The following GGA1 variants were observed in gnomAD, a reference collection of about 807,000 sequenced individuals.
GGA1 encodes ADP-ribosylation factor-binding protein GGA1.
A neutral mutation model predicts 76.9 loss-of-function variants in GGA1; 18 were observed. That is an observed-to-expected ratio of 0.23 (90% confidence interval 0.16 to 0.35). The LOEUF is 0.35. Ranked by LOEUF, GGA1 falls within the 10% of genes least tolerant of loss-of-function variation. GGA1 has a pLI of 1.00. For missense variants in GGA1, 755 were observed against 859.0 expected, an observed-to-expected ratio of 0.88 and a Z score of 1.51; for synonymous variants, 342 against 354.7, an observed-to-expected ratio of 0.96 and a Z score of 0.40.
Position 37,620,226 on chromosome 22 carries a change from G to A in GGA1, c.304-12G>A, listed in dbSNP as rs1929628685. ...GGGCAGTATCAAAGGCCTCCCCACT[G>A]TGTCCCTGAAGTATCTGGGCTCTCG... On this transcript the variant is annotated splice_polypyrimidine_tract_variant and intron_variant, in intron 4 of 16. Coordinates refer to ENST00000343632, the MANE Select transcript of GGA1 (RefSeq NM_013365.5). 6.2e-7 allele frequency: 1 copy of A among 1,613,918 alleles called. No homozygotes were observed. Among genetic ancestry groups the A allele is most frequent in the South Asian group, 1.1e-5 (1 of 91,084 alleles).
In GGA1 at chr22:37,632,331, C is replaced by A; in HGVS notation, c.1699-74C>A. ...CCCAGGATCCCCGGAGGGGAGCTGG[C>A]AGGCTGGGCCTGGTTCCTCAGAGCA... On this transcript the variant is annotated intron_variant, in intron 15 of 16. Coordinates refer to ENST00000343632, the MANE Select transcript of GGA1 (RefSeq NM_013365.5). The surrounding 1 kb of genome is among the most constrained non-coding windows in gnomAD (Gnocchi z 5.1). The A allele has an allele frequency of 7.5e-7, 1 of 1,340,458 alleles. No individual in the cohort carries two copies. Among genetic ancestry groups the A allele is most frequent in the Non-Finnish European group, 1.1e-6 (1 of 935,924 alleles). The allele number at this position is 1,340,458 out of a possible 1,614,324, so 83.0% of individuals were successfully genotyped here. A position where few individuals can be genotyped will look rare whatever the true frequency, so the allele number is the denominator to read the frequency against.
intron 2 of GGA1, among the ~76,000 whole-genome samples, chr22:37,616,084 C>T (rs1464517724): frequency 6.6e-6 from 1 of 152,082 alleles, no homozygotes; most frequent in Non-Finnish European, 1.5e-5. Flanking sequence ...CCTCATGATC[C>T]ACCTGCCTCG....
rs749729732 is a variant in GGA1 at position 37,632,525 on chromosome 22, C to A, written c.1809+10C>A. On this transcript the variant is annotated intron_variant, in intron 16 of 16. Transcript: ENST00000343632. This position sits in a 1 kb window ranked among gnomAD's most constrained non-coding sequence, Gnocchi z 5.1. The stretch of plus-strand genomic sequence containing the variant: ...TGCCAACCCCCAGAAGGTAAGGGGC[C>A]CCCAGGCAGTGCTGCAGGGTGGGGA... 1.9e-6 allele frequency: 3 copies of A among 1,601,772 alleles called. No individual in the cohort carries two copies. Among genetic ancestry groups the A allele is most frequent in the Admixed American group, 3.3e-5 (2 of 59,976 alleles).
intron 14 of GGA1, 101 bp from the exon 15 acceptor site, chr22:37,631,895 A>T: frequency 3.0e-6 from 3 of 984,658 alleles, no homozygotes; most frequent in Non-Finnish European, 4.5e-6. Flanking sequence ...TCTTGTTGCC[A>T]GTACAGCAGC....
chr22:37,616,093 C>T (rs1002551875), intron 2 of GGA1, among the ~76,000 whole-genome samples: 2 of 152,076 alleles, frequency 1.3e-5, no homozygotes, highest in Non-Finnish European at 2.9e-5. Flanking sequence ...CCACCTGCCT[C>T]GGCCTCCCAA....
Position 37,630,992 on chromosome 22 carries a change from GC to G in GGA1, c.1423del (p.Leu475PhefsTer41). 6.2e-7 allele frequency: 1 copy of G among 1,613,474 alleles called. No individual in the cohort carries two copies. The highest frequency in any genetic ancestry group is 8.5e-7 in the Non-Finnish European group (1 of 1,179,748). On this transcript the variant is annotated frameshift_variant, in exon 14 of 17. Coordinates refer to ENST00000343632, the MANE Select transcript of GGA1 (RefSeq NM_013365.5). LOFTEE classifies it high-confidence loss of function. ...SCSSPSSSAT[S>X]LLHTVSPEPP... The stretch of plus-strand genomic sequence containing the variant: ...AGCTCCCCCAGCTCCAGCGCCACCA[GC>G]CTTCTCCACACCGTGTCCCCAGAGC...
At chr22:37,609,041 G>T (rs1926935628) in intron 1 of GGA1, 138 bp downstream of exon 1, 2 of 1,451,416 alleles carry the variant, frequency 1.4e-6, no homozygotes, top group African/African-American at 3.0e-5. Flanking sequence ...GGTGTCCTCA[G>T]TCGGCCCCTC....
At position 37,614,191 on chromosome 22, in the gene GGA1, T is replaced by C. The variant is rs1423932405; in HGVS notation, c.45T>C (p.Asn15=). The change falls in exon 2 of 17, where the codon AAT becomes AAC. Residue 15 remains asparagine (N), a splice_region_variant and synonymous_variant. Coordinates refer to ENST00000343632, the MANE Select transcript of GGA1 (RefSeq NM_013365.5). The part of the protein sequence containing the change: ...MEPETLEARI[N]RATNPLNKEL... ...ATGACCCCAGCTCTCCTCTTCCAGA[T>C]AGAGCCACGAACCCCCTGAACAAGG... 3.7e-6 allele frequency: 6 copies of C among 1,609,814 alleles called. No individual in the cohort carries two copies. The highest frequency in any genetic ancestry group is 2.7e-5 in the African/African-American group (2 of 74,938).
At chr22:37,621,547 A>C (rs1929888825) in intron 6 of GGA1, 69 bp from the exon 7 acceptor site, 1 of 936,586 alleles carries the variant, frequency 1.1e-6, no homozygotes, top group Admixed American at 2.1e-5. Context: ...GGGAGCCATC[A>C]TGTGACTCCA....
Position 37,624,881 on chromosome 22 carries a change from G to A in GGA1, c.833-88G>A. 7 of 1,506,908 alleles carry A rather than the reference G, an allele frequency of 4.6e-6. No individual in the cohort carries two copies. The highest frequency in any genetic ancestry group is 6.3e-6 in the Non-Finnish European group (7 of 1,119,324). 93.3% of individuals were successfully genotyped at this position (1,506,908 alleles called of 1,614,324 possible). ...CCCTTTCCCTTCCCCTCACACACAGGCTGTGATGGATGTGGGGTCCTCGTC... is the reference window on the plus strand; with the variant it reads ...CCCTTTCCCTTCCCCTCACACACAGACTGTGATGGATGTGGGGTCCTCGTC... On this transcript the variant is annotated intron_variant, in intron 9 of 16. Coordinates refer to ENST00000343632, the MANE Select transcript of GGA1 (RefSeq NM_013365.5). This position sits in a 1 kb window ranked among gnomAD's most constrained non-coding sequence, Gnocchi z 4.3.
intron 3 of GGA1, chr22:37,617,508 AGTG>A: frequency 7.1e-6 from 7 of 991,240 alleles, no homozygotes; most frequent in Non-Finnish European, 8.4e-6. Flanking sequence ...GCTGATTTTA[AGTG>A]GTGGTAGAGA....
intron 5 of GGA1, 33 bp from the exon 6 acceptor site, chr22:37,620,780 A>G (rs1448205340): frequency 3.0e-6 from 4 of 1,343,678 alleles, no homozygotes; most frequent in African/African-American, 2.9e-5. Context: ...CCTGGGACAT[A>G]TTGACAGCCT....
chr22:37,609,006 G>T, intron 1 of GGA1, 103 bp downstream of exon 1: 1 of 1,361,430 alleles, frequency 7.3e-7, no homozygotes, highest in East Asian at 3.1e-5. Flanking sequence ...CCCTCCTCAC[G>T]CCCCGCCCCC....
chr22:37,609,168 G>T, intron 1 of GGA1: 8 of 1,436,002 alleles, frequency 5.6e-6, no homozygotes, highest in Non-Finnish European at 7.4e-6. Flanking sequence ...AGCTGCGCCG[G>T]GAACCCCCGG....
chr22:37,616,881 C>T, intron 2 of GGA1, 41 bp from the exon 3 acceptor site: 1 of 1,553,250 alleles, frequency 6.4e-7, no homozygotes, highest in South Asian at 1.2e-5. Context: ...GTGACCGGGA[C>T]TCCGTGGCGA....
At chr22:37,622,634 G>T (rs753809246) in intron 7 of GGA1, among the ~76,000 whole-genome samples, 1 of 152,080 alleles carries the variant, frequency 6.6e-6, no homozygotes. Flanking sequence ...AAACTAGTCT[G>T]TAACTCCTGG....
At position 37,632,361 on chromosome 22, in the gene GGA1, A is replaced by G. The variant is rs779770752; in HGVS notation, c.1699-44A>G. The G allele has an allele frequency of 8.9e-6, 13 of 1,454,516 alleles. No individual in the cohort carries two copies. Among genetic ancestry groups the G allele is most frequent in the Non-Finnish European group, 1.2e-5 (12 of 1,035,050 alleles). 90.1% of individuals were successfully genotyped at this position (1,454,516 alleles called of 1,614,324 possible). ...TGGGCCTGGTTCCTCAGAGCAGGAC[A>G]AGCAGCCAGGGCTAGCTGTGCCCAT... On this transcript the variant is annotated intron_variant, in intron 15 of 16. Transcript: ENST00000343632. The surrounding 1 kb of genome is among the most constrained non-coding windows in gnomAD (Gnocchi z 5.1).
chr22:37,630,147 C>T lies in GGA1; in HGVS notation c.1308C>T (p.Pro436=). The change falls in exon 13 of 17, where the codon CCC becomes CCT. Residue 436 remains proline, a synonymous_variant. Coordinates refer to ENST00000343632, the MANE Select transcript of GGA1 (RefSeq NM_013365.5). The stretch of plus-strand genomic sequence containing the variant: ...AGACCCTCCTGCAGCAGTCGCTGCC[C>T]CCGGAATCCCAGCAAGTGCGGTGGT... ...LGKTLLQQSL[P]PESQQVRWEK... 6.3e-7 allele frequency: 1 copy of T among 1,592,674 alleles called. No homozygotes were observed.
Position 37,625,902 on chromosome 22 carries a change from A to G in GGA1, c.1046A>G (p.Gln349Arg). 1 of 1,605,716 alleles carries G rather than the reference A, an allele frequency of 6.2e-7. No individual in the cohort carries two copies. Among genetic ancestry groups the G allele is most frequent in the Middle Eastern group, 1.7e-4 (1 of 6,030 alleles). The change falls in exon 11 of 17, where the codon CAG (glutamine) becomes CGG (arginine). Residue 349 changes from glutamine (Q) to arginine (R), a missense_variant. Transcript: ENST00000343632. The surrounding 1 kb of genome is among the most constrained non-coding windows in gnomAD (Gnocchi z 4.1). Reference protein sequence around the residue: ...TRPGEQASPEQPSASVSLLDD... With the variant: ...TRPGEQASPERPSASVSLLDD... ...CCTGGCGAGCAGGCCAGCCCTGAGCAGCCCAGTGCCTCAGTTTCCCTGCTT... is the reference window on the plus strand; with the variant it reads ...CCTGGCGAGCAGGCCAGCCCTGAGCGGCCCAGTGCCTCAGTTTCCCTGCTT...
Sources: allele counts gnomAD v4.1 joint callset (sites outside exome capture counted in the v4.1 genomes callset), GRCh38; gene constraint gnomAD v4.1.1; non-coding constraint Gnocchi (gnomAD v3.1); transcripts MANE v1.5; gene names NCBI Gene and HGNC (gene_info 2026-07-23, HGNC 2026-07-21).